The following PDE4D variants were observed in gnomAD, a reference collection of about 807,000 sequenced individuals.
PDE4D encodes phosphodiesterase 4D.
Under a neutral mutation model 87.4 loss-of-function variants are expected in PDE4D, and 24 were observed. That is an observed-to-expected ratio of 0.27 (90% confidence interval 0.20 to 0.39). PDE4D has a LOEUF of 0.39. Ranked by LOEUF, PDE4D falls within the 10% of genes least tolerant of loss-of-function variation. PDE4D has a pLI of 1.00. For synonymous variants in PDE4D, 384 were observed against 383.2 expected (o/e 1.00, Z -0.02); for missense variants, 714 against 1,041.0 (o/e 0.69, Z 4.32).
intron 5 of PDE4D, among the ~76,000 whole-genome samples, chr5:59,086,633 G>A (rs757598995): frequency 2.6e-5 from 4 of 151,942 alleles, no homozygotes; most frequent in Non-Finnish European, 4.4e-5. Flanking sequence ...TTTCTATCTG[G>A]ATGTGCACAG....
At chr5:60,373,099 C>T (rs1013771152) in intron 1 of PDE4D, among the ~76,000 whole-genome samples, 57 of 152,306 alleles carry the variant, frequency 3.7e-4, no homozygotes, top group African/African-American at 1.3e-3. Context: ...CAAGTCACTC[C>T]GGCTGACTGC....
intron 1 of PDE4D, among the ~76,000 whole-genome samples, chr5:59,755,856 A>G (rs1468332749): frequency 6.9e-6 from 1 of 144,464 alleles, no homozygotes; most frequent in African/African-American, 2.6e-5. Context: ...GCCATGTATG[A>G]AAAAAAAAAA....
At chr5:60,122,270 A>G (rs1778754926) in intron 2 of PDE4D, among the ~76,000 whole-genome samples, 1 of 152,082 alleles carries the variant, frequency 6.6e-6, no homozygotes, top group Non-Finnish European at 1.5e-5. Flanking sequence ...TCATAGCTCC[A>G]CTAGGCAGTG....
rs1392709013 is a variant in PDE4D at position 59,422,670 on chromosome 5, A to T, written c.456-206702T>A. Reference sequence around the variant, plus strand: ...TATTGGATATAGAAATGGGACTATCATATAAAGGTCATCAAGATTGTGTAG... The same window carrying T: ...TATTGGATATAGAAATGGGACTATCTTATAAAGGTCATCAAGATTGTGTAG... On this transcript the variant is annotated intron_variant, in intron 1 of 14. Transcript: ENST00000340635. 2.0e-5 allele frequency among the ~76,000 whole-genome samples: 3 copies of T among 152,224 alleles called. No individual in the cohort carries two copies. In the East Asian group the frequency reaches 5.8e-4, roughly 29 times the overall value.
chr5:59,341,928 A>T (rs1020429481), intron 1 of PDE4D, among the ~76,000 whole-genome samples: 2 of 152,182 alleles, frequency 1.3e-5, no homozygotes, highest in East Asian at 3.9e-4. Flanking sequence ...TTTAACGGCT[A>T]TATATGTATT....
chr5:59,883,715 T>C (rs1749776846), intron 1 of PDE4D, among the ~76,000 whole-genome samples: 1 of 152,216 alleles, frequency 6.6e-6, no homozygotes, highest in Non-Finnish European at 1.5e-5. Context: ...CTTACCGATA[T>C]ATGAATCTTA....
intron 2 of PDE4D, among the ~76,000 whole-genome samples, chr5:59,202,291 C>T (rs759756731): frequency 8.6e-5 from 13 of 152,032 alleles, no homozygotes; most frequent in East Asian, 1.9e-4. Flanking sequence ...CCACCTGCCT[C>T]GGCCTCCCAA....
rs75337368 is a variant in PDE4D at position 59,060,645 on chromosome 5, G to A, written c.809-21674C>T. 2.7e-3 allele frequency among the ~76,000 whole-genome samples: 417 copies of A among 152,206 alleles called. 3 individuals are homozygous for A. The East Asian group carries it at 0.045, about 16-fold the overall frequency. On this transcript the variant is annotated intron_variant, in intron 5 of 14. Transcript: ENST00000340635. ...ATTTCACACCGAGGTAATAAGCATAGTACCCCTACAGCTTAGTCTTAAGAA... is the reference window on the plus strand; with the variant it reads ...ATTTCACACCGAGGTAATAAGCATAATACCCCTACAGCTTAGTCTTAAGAA...
At chr5:60,171,185 C>A (rs1409681385) in intron 2 of PDE4D, among the ~76,000 whole-genome samples, 1 of 151,964 alleles carries the variant, frequency 6.6e-6, no homozygotes, top group Admixed American at 6.6e-5. Flanking sequence ...ATACACAAAT[C>A]GAACTTTGTG....
intron 1 of PDE4D, among the ~76,000 whole-genome samples, chr5:59,436,753 A>G (rs1796853004): frequency 6.6e-6 from 1 of 152,192 alleles, no homozygotes; most frequent in African/African-American, 2.4e-5. Flanking sequence ...TCTCCAGCTA[A>G]TGGAGCCTCT....
intron 2 of PDE4D, among the ~76,000 whole-genome samples, chr5:59,991,117 C>T (rs952126782): frequency 6.6e-6 from 1 of 151,944 alleles, no homozygotes; most frequent in Non-Finnish European, 1.5e-5. Context: ...TGAGAGCAGC[C>T]CTACATAAAC....
At chr5:59,089,946 C>A (rs1055967691) in intron 5 of PDE4D, among the ~76,000 whole-genome samples, 1 of 152,146 alleles carries the variant, frequency 6.6e-6, no homozygotes, top group African/African-American at 2.4e-5. Flanking sequence ...TTCAGACACC[C>A]ACTGACCACG....
At chr5:59,496,413 G>A (rs73760623) in intron 1 of PDE4D, among the ~76,000 whole-genome samples, 12,205 of 152,192 alleles carry the variant, frequency 0.08, 1,542 homozygotes, top group African/African-American at 0.27. Context: ...CCTCACCTAG[G>A]TCCGTGGGCA....
chr5:59,302,080 G>T (rs1350851519), intron 1 of PDE4D, among the ~76,000 whole-genome samples: 1 of 152,074 alleles, frequency 6.6e-6, no homozygotes, highest in Non-Finnish European at 1.5e-5. Flanking sequence ...TCCTTTGGGG[G>T]CACTAGACCA....
chr5:60,482,765 G>A (rs540994320), intron 1 of PDE4D, among the ~76,000 whole-genome samples: 1 of 152,264 alleles, frequency 6.6e-6, no homozygotes, highest in Non-Finnish European at 1.5e-5. Context: ...TAAAGCTCTG[G>A]AAATGTATTT....
intron 1 of PDE4D, among the ~76,000 whole-genome samples, chr5:59,322,852 T>C (rs891336758): frequency 6.6e-6 from 1 of 152,090 alleles, no homozygotes; most frequent in Non-Finnish European, 1.5e-5. Context: ...AGAACAAGCA[T>C]GAAGGCAACC....
In PDE4D at chr5:59,343,699, T is replaced by C. The variant is rs77591809; in HGVS notation, c.456-127731A>G. ...TGCATGCTTGATGTATGAAGAAATA[T>C]TTAGGCACATATCTTGGATCATTTA... On this transcript the variant is annotated intron_variant, in intron 1 of 14. Transcript: ENST00000340635. 3.9e-3 allele frequency among the ~76,000 whole-genome samples: 595 copies of C among 152,338 alleles called. 2 individuals are homozygous for C. The highest frequency in any genetic ancestry group is 5.7e-3 in the Non-Finnish European group (391 of 68,034).
intron 2 of PDE4D, among the ~76,000 whole-genome samples, chr5:60,047,631 T>C (rs1180058065): frequency 6.6e-6 from 1 of 152,148 alleles, no homozygotes; most frequent in African/African-American, 2.4e-5. Context: ...ATGTACCCAG[T>C]AGTCATTCAG....
At chr5:60,188,198 G>T (rs544421903) in intron 1 of PDE4D, 1 of 152,292 alleles carries the variant, frequency 6.6e-6, no homozygotes, top group African/African-American at 2.4e-5. Context: ...TAAACAGACA[G>T]CATACTTTTA....
Sources: gnomAD v4.1 joint callset for allele counts (sites outside exome capture counted in the v4.1 genomes callset) on GRCh38, gnomAD v4.1.1 for gene constraint, MANE v1.5 for transcripts, NCBI Gene and HGNC (gene_info 2026-07-23, HGNC 2026-07-21) for gene names.